Variants in LRRC4C observed in about 807,000 individuals in gnomAD.
The protein encoded by LRRC4C is leucine-rich repeat-containing protein 4C.
Under a neutral mutation model 33.6 loss-of-function variants are expected in LRRC4C, and 5 were observed. That is an observed-to-expected ratio of 0.15 (90% CI 0.08 to 0.31). The LOEUF is 0.31. Ranked by LOEUF, LRRC4C falls within the 10% of genes least tolerant of loss-of-function variation. LRRC4C has a pLI of 1.00. For missense variants in LRRC4C, 560 were observed against 796.7 expected (o/e 0.70, Z 3.58); for synonymous variants, 329 against 302.0 (o/e 1.09, Z -0.93).
At chr11:40,149,934 A>AAACTTGATG (rs2135096881) in intron 5 of LRRC4C, among the ~76,000 whole-genome samples, 1 of 152,306 alleles carries the variant, frequency 6.6e-6, no homozygotes, top group South Asian at 2.1e-4. Flanking sequence ...AAATTACCAC[A>AAACTTGATG]AACTTGATGA....
At chr11:40,771,435 G>T (rs1357697359) in intron 2 of LRRC4C, among the ~76,000 whole-genome samples, 1 of 152,168 alleles carries the variant, frequency 6.6e-6, no homozygotes, top group Non-Finnish European at 1.5e-5. Flanking sequence ...GGCCTATGAT[G>T]GGAGGGGCTG....
At chr11:40,248,898 G>A (rs1213345321) in intron 4 of LRRC4C, among the ~76,000 whole-genome samples, 1 of 152,120 alleles carries the variant, frequency 6.6e-6, no homozygotes, top group Non-Finnish European at 1.5e-5. Context: ...TGAGGAGTAG[G>A]TAAAACTGTC....
intron 5 of LRRC4C, among the ~76,000 whole-genome samples, chr11:40,160,321 A>G (rs1051526606): frequency 1.3e-5 from 2 of 152,088 alleles, no homozygotes; most frequent in African/African-American, 4.8e-5. Context: ...GTGGGTTGTG[A>G]CTTACTATCT....
At chr11:41,269,085 C>G (rs566788650) in intron 1 of LRRC4C, among the ~76,000 whole-genome samples, 11 of 152,122 alleles carry the variant, frequency 7.2e-5, no homozygotes, top group Admixed American at 2.6e-4. Flanking sequence ...CTGGTAGAGG[C>G]TAAAGCCTGA....
At chr11:40,529,985 T>C (rs1437872694) in intron 3 of LRRC4C, among the ~76,000 whole-genome samples, 2 of 152,086 alleles carry the variant, frequency 1.3e-5, no homozygotes, top group Admixed American at 1.3e-4. Context: ...AAAATAAGGC[T>C]CATTAATCAA....
At chr11:41,383,946 A>C (rs574211859) in intron 1 of LRRC4C, among the ~76,000 whole-genome samples, 1 of 152,134 alleles carries the variant, frequency 6.6e-6, no homozygotes, top group Admixed American at 6.6e-5. Flanking sequence ...GTTTCGATGA[A>C]AATAGAAGTA....
At chr11:41,008,335 A>G (rs1854917761) in intron 1 of LRRC4C, among the ~76,000 whole-genome samples, 1 of 152,214 alleles carries the variant, frequency 6.6e-6, no homozygotes, top group Admixed American at 6.5e-5. Context: ...ACAAAACCCT[A>G]CATTATCTGT....
rs35497785 is a variant in LRRC4C, at chr11:40,582,513, G to GTT, written c.-270+65627_-270+65628dup. On this transcript the variant is annotated intron_variant, in intron 3 of 6. Coordinates refer to ENST00000528697, the MANE Select transcript of LRRC4C (RefSeq NM_001258419.2). ...CGTACTTATTTCTCTCCCTTGTTCA[G>GTT]TTTTTTTTTTTTTTTTTTTTTTAAT... 4.2e-3 allele frequency among the ~76,000 whole-genome samples: 486 copies of GTT among 115,564 alleles called. 4 individuals carry two copies. The highest frequency in any genetic ancestry group is 8.0e-3 in the South Asian group (26 of 3,240). 75.8% of individuals were successfully genotyped at this position (115,564 alleles called of 152,430 possible).
intron 3 of LRRC4C, among the ~76,000 whole-genome samples, chr11:40,633,502 C>T (rs1445300894): frequency 2.0e-5 from 3 of 151,568 alleles, no homozygotes; most frequent in Non-Finnish European, 2.9e-5. Context: ...GATTCTCCTG[C>T]CTCAGCCCCC....
intron 1 of LRRC4C, among the ~76,000 whole-genome samples, chr11:41,016,064 T>G (rs987375977): frequency 5.9e-5 from 9 of 152,120 alleles, no homozygotes; most frequent in African/African-American, 2.2e-4. Context: ...TCAATCTATA[T>G]TTTCAAAGAA....
chr11:41,427,152 C>T (rs1446970211), intron 1 of LRRC4C, among the ~76,000 whole-genome samples: 1 of 152,048 alleles, frequency 6.6e-6, no homozygotes, highest in Non-Finnish European at 1.5e-5. Flanking sequence ...CATATACATG[C>T]CTTTCTATAA....
intron 3 of LRRC4C, among the ~76,000 whole-genome samples, chr11:40,632,844 A>G (rs545255247): frequency 2.0e-5 from 3 of 152,304 alleles, no homozygotes; most frequent in South Asian, 4.1e-4. Context: ...AAGATACTTT[A>G]GCAATAAAAA....
At chr11:40,678,309 T>C (rs1944512519) in intron 2 of LRRC4C, among the ~76,000 whole-genome samples, 1 of 152,072 alleles carries the variant, frequency 6.6e-6, no homozygotes, top group Admixed American at 6.6e-5. Context: ...CTCCCCCATC[T>C]AATAGTCCCC....
chr11:41,033,129 A>T (rs1253226501), intron 1 of LRRC4C, among the ~76,000 whole-genome samples: 2 of 151,970 alleles, frequency 1.3e-5, no homozygotes, highest in Non-Finnish European at 2.9e-5. Flanking sequence ...AATCTATGAG[A>T]GTGAGATCTA....
intron 1 of LRRC4C, among the ~76,000 whole-genome samples, chr11:41,366,213 GA>G (rs1565615734): frequency 3.5e-5 from 5 of 141,876 alleles, no homozygotes; most frequent in Admixed American, 6.8e-5. Context: ...TAGATAGATA[GA>G]TAGATAGATA....
intron 5 of LRRC4C, among the ~76,000 whole-genome samples, chr11:40,183,173 T>G (rs1002723340): frequency 1.3e-5 from 2 of 152,158 alleles, no homozygotes; most frequent in African/African-American, 4.8e-5. Context: ...CATACTGTAG[T>G]GAGGGAAGAA....
chr11:40,445,615 G>A (rs187012500), intron 3 of LRRC4C: 1 of 153,168 alleles, frequency 6.5e-6, no homozygotes, highest in Admixed American at 6.5e-5. Context: ...TCTCTGAAGT[G>A]TGGCGAGGCC....
At chr11:40,572,097 G>A (rs1958005009) in intron 3 of LRRC4C, among the ~76,000 whole-genome samples, 1 of 152,110 alleles carries the variant, frequency 6.6e-6, no homozygotes, top group African/African-American at 2.4e-5. Context: ...TAGGAAGTAT[G>A]GTACCTGCTA....
chr11:40,484,037 ATTTGGCG>A (rs1158616905), intron 3 of LRRC4C, among the ~76,000 whole-genome samples: 2 of 152,136 alleles, frequency 1.3e-5, no homozygotes, highest in Non-Finnish European at 2.9e-5. Context: ...ACATCTATCA[ATTTGGCG>A]AAAATTTTGT....
Sources: gnomAD v4.1 joint callset for allele counts (sites outside exome capture counted in the v4.1 genomes callset) on GRCh38, gnomAD v4.1.1 for gene constraint, MANE v1.5 for transcripts, NCBI Gene and HGNC (gene_info 2026-07-23, HGNC 2026-07-21) for gene names.